Variants in DLG2 observed in about 807,000 individuals in gnomAD.
DLG2 encodes the protein disks large homolog 2.
In DLG2, 45 loss-of-function variants were observed where a neutral mutation model predicts 132.5. That is an observed-to-expected ratio of 0.34 (90% CI 0.27 to 0.44). DLG2 has a LOEUF of 0.44. Among genes scored for constraint, DLG2 ranks in the 20% least tolerant of loss-of-function variants. The probability of loss-of-function intolerance (pLI) is 1.00; values close to 1 mark genes in which losing one functional copy is unlikely to be tolerated. For synonymous variants in DLG2, 424 were observed against 419.6 expected, an observed-to-expected ratio of 1.01 and a Z score of -0.13; for missense variants, 1,045 against 1,196.9, an observed-to-expected ratio of 0.87 and a Z score of 1.87.
chr11:84,863,564 C>T (rs1048336014), intron 6 of DLG2, among the ~76,000 whole-genome samples: 1 of 152,116 alleles, frequency 6.6e-6, no homozygotes, highest in Non-Finnish European at 1.5e-5. Context: ...TGAACAAACA[C>T]CATACTTGCT....
At chr11:84,718,287 C>T (rs950137418) in intron 6 of DLG2, among the ~76,000 whole-genome samples, 3 of 151,950 alleles carry the variant, frequency 2.0e-5, no homozygotes, top group Admixed American at 1.3e-4. Context: ...TTTCAAAAAA[C>T]GATGTCTGCA....
chr11:84,004,610 T>C (rs2094494277), intron 11 of DLG2, among the ~76,000 whole-genome samples: 1 of 151,952 alleles, frequency 6.6e-6, no homozygotes, highest in South Asian at 2.1e-4. Context: ...AAAATCAATA[T>C]AAAAAATCAG....
chr11:84,420,959 C>T (rs1037736007), intron 7 of DLG2, among the ~76,000 whole-genome samples: 4 of 152,164 alleles, frequency 2.6e-5, no homozygotes, highest in South Asian at 2.1e-4. Flanking sequence ...TGAGCCACCG[C>T]GCCCGGCCCC....
rs199885392 is a variant in DLG2 at position 85,144,705 on chromosome 11, T to TA, written c.282+9850dup. Among the ~76,000 whole-genome samples the TA allele has an allele frequency of 1.1e-3, 171 of 151,436 alleles. 3 individuals carry two copies. Among genetic ancestry groups the TA allele is most frequent in the African/African-American group, 2.0e-3 (82 of 41,366 alleles). On this transcript the variant is annotated intron_variant, in intron 5 of 27. Transcript: ENST00000376104. ...ACAATGCACAAGCAAAGAGAAAACT[T>TA]AAAAAAAAACTCTACACTTTATCCT...
At chr11:84,711,057 T>TTTTAAATGTTTTCTACTA (rs2060355280) in intron 6 of DLG2, among the ~76,000 whole-genome samples, 1 of 148,684 alleles carries the variant, frequency 6.7e-6, no homozygotes, top group Non-Finnish European at 1.5e-5. Flanking sequence ...ATTAAAGTAG[T>TTTTAAATGTTTTCTACTA]TTTAAATGTT....
At chr11:83,741,421 A>G (rs2092501127) in intron 18 of DLG2, among the ~76,000 whole-genome samples, 1 of 152,172 alleles carries the variant, frequency 6.6e-6, no homozygotes, top group Admixed American at 6.5e-5. Flanking sequence ...ACTCTACCAA[A>G]AGGCTCCTAG....
chr11:83,901,975 C>T (rs1240811729), intron 15 of DLG2, among the ~76,000 whole-genome samples: 1 of 152,078 alleles, frequency 6.6e-6, no homozygotes, highest in African/African-American at 2.4e-5. Context: ...AATATTATTA[C>T]TATTATTACT....
intron 4 of DLG2, among the ~76,000 whole-genome samples, chr11:85,265,776 G>A (rs1319056802): frequency 6.6e-6 from 1 of 152,212 alleles, no homozygotes; most frequent in East Asian, 1.9e-4. Context: ...AGAAGTAGCT[G>A]GACATCAGAG....
At chr11:85,227,402 CA>C (rs1379911412) in intron 4 of DLG2, among the ~76,000 whole-genome samples, 1 of 151,926 alleles carries the variant, frequency 6.6e-6, no homozygotes, top group African/African-American at 2.4e-5. Flanking sequence ...TAACAATACA[CA>C]ATGGTTATTT....
intron 6 of DLG2, among the ~76,000 whole-genome samples, chr11:84,695,751 A>C (rs2058551133): frequency 6.6e-6 from 1 of 151,020 alleles, no homozygotes; most frequent in South Asian, 2.1e-4. Flanking sequence ...CTTACAGTTT[A>C]GTAAGAGAGA....
intron 3 of DLG2, among the ~76,000 whole-genome samples, chr11:85,293,306 T>G (rs1339373215): frequency 6.6e-6 from 1 of 152,142 alleles, no homozygotes; most frequent in Non-Finnish European, 1.5e-5. Flanking sequence ...CTTACGCCTG[T>G]AATCTCTTTG....
intron 11 of DLG2, among the ~76,000 whole-genome samples, chr11:84,003,492 G>A (rs555102206): frequency 6.6e-6 from 1 of 152,218 alleles, no homozygotes; most frequent in South Asian, 2.1e-4. Context: ...CATGGCTGGG[G>A]AGGCCTCAAC....
chr11:85,086,712 A>T (rs573568075), intron 6 of DLG2, among the ~76,000 whole-genome samples: 2 of 152,346 alleles, frequency 1.3e-5, no homozygotes, highest in Admixed American at 6.5e-5. Flanking sequence ...ATGTGCATAC[A>T]TACATAAATG....
At chr11:83,883,769 G>A (rs1595894902) in intron 15 of DLG2, among the ~76,000 whole-genome samples, 1 of 149,382 alleles carries the variant, frequency 6.7e-6, no homozygotes, top group Admixed American at 6.7e-5. Context: ...ATCTCAGAAA[G>A]CAATAAGGCA....
chr11:84,843,875 T>C (rs76637378), intron 6 of DLG2, among the ~76,000 whole-genome samples: 1 of 151,502 alleles, frequency 6.6e-6, no homozygotes, highest in Non-Finnish European at 1.5e-5. Flanking sequence ...TGTGTGTGTA[T>C]ATACTTATTT....
chr11:85,070,726 C>A (rs1453170380), intron 6 of DLG2, among the ~76,000 whole-genome samples: 1 of 151,832 alleles, frequency 6.6e-6, no homozygotes, highest in African/African-American at 2.4e-5. Context: ...CACTTACCAT[C>A]CACCCTCTGA....
intron 3 of DLG2, among the ~76,000 whole-genome samples, chr11:85,369,570 G>A (rs545063725): frequency 2.6e-5 from 4 of 152,124 alleles, no homozygotes; most frequent in Non-Finnish European, 5.9e-5. Flanking sequence ...GATTTGTGGG[G>A]CTAGTCTTTG....
chr11:83,684,550 A>G (rs965355400), intron 18 of DLG2: 15 of 152,188 alleles, frequency 9.9e-5, no homozygotes, highest in African/African-American at 3.6e-4. Context: ...AGCAGAGGTA[A>G]GAAATATAAT....
chr11:83,598,812 G>C (rs2058057404), intron 19 of DLG2, among the ~76,000 whole-genome samples: 1 of 152,154 alleles, frequency 6.6e-6, no homozygotes, highest in South Asian at 2.1e-4. Context: ...TTCTTCTGAA[G>C]TCTCATGACT....
Sources: allele counts gnomAD v4.1 joint callset (sites outside exome capture counted in the v4.1 genomes callset), GRCh38; gene constraint gnomAD v4.1.1; transcripts MANE v1.5; gene names NCBI Gene and HGNC (gene_info 2026-07-23, HGNC 2026-07-21).